The following CXXC4 variants were observed in gnomAD, a reference collection of about 807,000 sequenced individuals.
CXXC4 encodes the protein CXXC finger protein 4, also known as CXXC-type zinc finger protein 4.
In CXXC4, 5 loss-of-function variants were observed where a neutral mutation model predicts 20.5. The observed-to-expected ratio is 0.24, with a 90% CI of 0.13 to 0.51. The LOEUF is 0.51. Ranked by LOEUF, CXXC4 falls within the 20% of genes least tolerant of loss-of-function variation. CXXC4 has a pLI of 0.97. For synonymous variants in CXXC4, 250 were observed against 216.4 expected, an observed-to-expected ratio of 1.16 and a Z score of -1.36; for missense variants, 419 against 496.4, an observed-to-expected ratio of 0.84 and a Z score of 1.48.
At chr4:104,488,700 A>G (rs1736758506) in intron 2 of CXXC4, among the ~76,000 whole-genome samples, 1 of 152,252 alleles carries the variant, frequency 6.6e-6, no homozygotes, top group Non-Finnish European at 1.5e-5. Context: ...TTTGTCATCA[A>G]AATGCCTGAG....
chr4:104,491,359 G>C lies in CXXC4; in HGVS notation c.444C>G (p.Ser148=). 6.9e-7 allele frequency: 1 copy of C among 1,442,440 alleles called. No homozygotes were observed. Among genetic ancestry groups the C allele is most frequent in the South Asian group, 1.5e-5 (1 of 65,828 alleles). The allele number at this position is 1,442,440 out of a possible 1,614,324, so 89.4% of individuals were successfully genotyped here. A position where few individuals can be genotyped will look rare whatever the true frequency, so the allele number is the denominator to read the frequency against. ...CGCCGGCGGGGAGGATCGCCGAGGA[G>C]GAGGAGGCGGAGGAGGAGGCGGCGG... is the stretch of plus-strand genomic sequence containing the variant. The part of the protein sequence containing the change: ...SSAAASSSAS[S]SSAILPAGGG... The change falls in exon 2 of 3, where the codon TCC becomes TCG. Residue 148 remains serine (S), a synonymous_variant. Transcript: ENST00000394767.
At chr4:104,480,606 C>T (rs1736528264) in intron 2 of CXXC4, among the ~76,000 whole-genome samples, 1 of 138,946 alleles carries the variant, frequency 7.2e-6, no homozygotes, top group African/African-American at 3.5e-5. Context: ...CTAGTTTTTC[C>T]ACCATGGTAA....
chr4:104,492,976 C>A (rs1356129815), intron 1 of CXXC4, among the ~76,000 whole-genome samples: 1 of 147,618 alleles, frequency 6.8e-6, no homozygotes, highest in Non-Finnish European at 1.5e-5. Context: ...CTGTCTCTTC[C>A]GAAGACAAGA....
chr4:104,486,991 T>A (rs1319850821), intron 2 of CXXC4, among the ~76,000 whole-genome samples: 4 of 152,136 alleles, frequency 2.6e-5, no homozygotes, highest in Non-Finnish European at 5.9e-5. Context: ...GCTATCAAGT[T>A]AGAGACAGTA....
rs1401827976 is a variant in CXXC4 at position 104,491,327 on chromosome 4, C to G, written c.476G>C (p.Gly159Ala). The change falls in exon 2 of 3, where the codon GGC (glycine) becomes GCC (alanine). Residue 159 changes from glycine to alanine, a missense_variant. Transcript: ENST00000394767. ...CCTGCTGCCGCCGCCGCCGCCGCCGCCGCCACCGCCGGCGGGGAGGATCGC... is the reference window on the plus strand; with the variant it reads ...CCTGCTGCCGCCGCCGCCGCCGCCGGCGCCACCGCCGGCGGGGAGGATCGC... ...SSAILPAGGG[G>A]GGGGGGSRTS... 1.3e-6 allele frequency: 2 copies of G among 1,553,588 alleles called. No homozygotes were observed. Among genetic ancestry groups the G allele is most frequent in the East Asian group, 5.0e-5 (2 of 40,398 alleles).
chr4:104,474,165 C>T (rs750378596), intron 2 of CXXC4, among the ~76,000 whole-genome samples: 1 of 151,886 alleles, frequency 6.6e-6, no homozygotes, highest in Non-Finnish European at 1.5e-5. Context: ...CTGAGCAGCG[C>T]TTTCTAAAAG....
intron 1 of CXXC4, among the ~76,000 whole-genome samples, chr4:104,492,548 G>A (rs1486351637): frequency 1.3e-5 from 2 of 152,112 alleles, no homozygotes; most frequent in Non-Finnish European, 2.9e-5. Context: ...AGCAAATGAA[G>A]TACTGAAAAA....
In CXXC4 at chr4:104,491,309, C is replaced by T; in HGVS notation, c.494G>A (p.Gly165Asp). 1 of 1,478,930 alleles carries T rather than the reference C, an allele frequency of 6.8e-7. No individual in the cohort carries two copies. Among genetic ancestry groups the T allele is most frequent in the Non-Finnish European group, 9.0e-7 (1 of 1,111,312 alleles). The allele number at this position is 1,478,930 out of a possible 1,614,324, so 91.6% of individuals were successfully genotyped here. Residue 165 changes from glycine (G) to aspartate (D), a missense_variant, in exon 2 of 3, where the codon GGC becomes GAC. Physicochemically the swap from Gly to Asp is moderately conservative, Grantham distance 94 (BLOSUM62 -1). Transcript: ENST00000394767. Reference protein sequence around the residue: ...AGGGGGGGGGGSRTSMHHRND... With the variant: ...AGGGGGGGGGDSRTSMHHRND... ...TCGGTGGTGCATGCTGGTCCTGCTG[C>T]CGCCGCCGCCGCCGCCGCCGCCACC...
intron 1 of CXXC4, 142 bp from the exon 2 acceptor site, chr4:104,492,201 A>ACC (rs1162003749): frequency 1.8e-5 from 2 of 109,506 alleles, no homozygotes; most frequent in Admixed American, 9.0e-5. Context: ...TCAAGACGTG[A>ACC]CCCCCCCCAG....
chr4:104,490,453 AATATTGAGC>A (rs1428039681), intron 2 of CXXC4, among the ~76,000 whole-genome samples: 1 of 152,230 alleles, frequency 6.6e-6, no homozygotes, highest in Non-Finnish European at 1.5e-5. Context: ...ACCAAGGGAA[AATATTGAGC>A]ATATTGAATG....
At position 104,490,938 on chromosome 4, in the gene CXXC4, A is replaced by C. The variant is rs751412118; in HGVS notation, c.865T>G (p.Ser289Ala). ...CCGCCAGCTCCCCCTGAGGAGGACG[A>C]GGAGGAGGAGGAATGATTCTGCGGG... ...DCPQNHSSSS[S>A]SSSGGAGGAN... The change falls in exon 2 of 3, where the codon TCG becomes GCG. Residue 289 changes from serine to alanine, a missense_variant. Physicochemically the swap from Ser to Ala is moderately conservative, Grantham distance 99. Coordinates refer to ENST00000394767, the MANE Select transcript of CXXC4 (RefSeq NM_025212.4). The C allele has an allele frequency of 2.5e-5, 41 of 1,609,322 alleles. No homozygotes were observed. Among genetic ancestry groups the C allele is most frequent in the Non-Finnish European group, 3.5e-5 (41 of 1,178,080 alleles).
Position 104,491,554 on chromosome 4 carries a change from G to A in CXXC4, c.249C>T (p.Arg83=), listed in dbSNP as rs1736878084. Residue 83 remains arginine, a synonymous_variant, in exon 2 of 3, where the codon CGC becomes CGT. Transcript: ENST00000394767. ...SSAAAAAAAA[R]IGMSPWNCDN... ...CGCAGTTCCAGGGGGACATGCCGATGCGCGCGGCGGCCGCGGCGGCGGCGG... is the reference window on the plus strand; with the variant it reads ...CGCAGTTCCAGGGGGACATGCCGATACGCGCGGCGGCCGCGGCGGCGGCGG... 3 of 1,501,598 alleles carry A rather than the reference G, an allele frequency of 2.0e-6. No individual in the cohort carries two copies. The highest frequency in any genetic ancestry group is 1.4e-5 in the African/African-American group (1 of 69,156). The allele number at this position is 1,501,598 out of a possible 1,614,324, so 93.0% of individuals were successfully genotyped here.
rs1346329019 is a variant in CXXC4 at position 104,471,591 on chromosome 4, C to A, written c.*731G>T. ...GTTTGTAAGCAATGCAAGTGCATAA[C>A]CACTACTCTAATATAGTGCTCAAAA... is the stretch of plus-strand genomic sequence containing the variant. On this transcript the variant is annotated 3_prime_UTR_variant, in exon 3 of 3. Coordinates refer to ENST00000394767, the MANE Select transcript of CXXC4 (RefSeq NM_025212.4). 6.6e-6 allele frequency: 1 copy of A among 152,022 alleles called. No individual in the cohort carries two copies. The highest frequency in any genetic ancestry group is 2.4e-5 in the African/African-American group (1 of 41,428). The allele number at this position is 152,022 out of a possible 1,614,324, so 9.4% of individuals were successfully genotyped here.
chr4:104,479,141 T>G (rs1161348625), intron 2 of CXXC4, among the ~76,000 whole-genome samples: 1 of 152,092 alleles, frequency 6.6e-6, no homozygotes, highest in African/African-American at 2.4e-5. Flanking sequence ...ACCAAGTGGT[T>G]GGACAATTTT....
intron 2 of CXXC4, among the ~76,000 whole-genome samples, chr4:104,480,846 TTCCCTCCC>T (rs757783389): frequency 6.8e-6 from 1 of 146,846 alleles, no homozygotes; most frequent in Non-Finnish European, 1.5e-5. Flanking sequence ...TGCCTTTATC[TTCCCTCCC>T]TCCCTCCCTC....
intron 2 of CXXC4, among the ~76,000 whole-genome samples, chr4:104,473,071 T>C (rs547735801): frequency 2.0e-4 from 31 of 151,904 alleles, no homozygotes; most frequent in African/African-American, 7.2e-4. Flanking sequence ...TATATATATA[T>C]ACATATCCAA....
At chr4:104,473,027 T>C (rs2110269421) in intron 2 of CXXC4, among the ~76,000 whole-genome samples, 1 of 151,924 alleles carries the variant, frequency 6.6e-6, no homozygotes, top group Middle Eastern at 3.4e-3. Context: ...AAACTGAAAT[T>C]TAGGTCACTG....
At chr4:104,474,547 T>C (rs2110270247) in intron 2 of CXXC4, among the ~76,000 whole-genome samples, 1 of 152,128 alleles carries the variant, frequency 6.6e-6, no homozygotes, top group East Asian at 1.9e-4. Context: ...TTTATATAAG[T>C]ATGCACACTT....
intron 2 of CXXC4, among the ~76,000 whole-genome samples, chr4:104,480,737 C>T (rs2110273674): frequency 6.6e-6 from 1 of 152,098 alleles, no homozygotes; most frequent in Middle Eastern, 3.4e-3. Context: ...ATCAAGATGA[C>T]CTTAAGTATG....
Sources: gnomAD v4.1 joint callset for allele counts (sites outside exome capture counted in the v4.1 genomes callset) on GRCh38, gnomAD v4.1.1 for gene constraint, MANE v1.5 for transcripts, NCBI Gene and HGNC (gene_info 2026-07-23, HGNC 2026-07-21) for gene names.